Variants in CEP112 observed in about 807,000 individuals in gnomAD.
The protein encoded by CEP112 is centrosomal protein 112, also known as centrosomal protein of 112 kDa.
Under a neutral mutation model 153.0 loss-of-function variants are expected in CEP112, and 127 were observed. That is an observed-to-expected ratio of 0.83 (90% CI 0.72 to 0.96). The LOEUF (loss-of-function observed/expected upper bound fraction) is 0.96, where lower values mean the gene tolerates loss of function less well. CEP112 is among the 40% of genes least tolerant of loss of function. The pLI is 0.00. For missense variants in CEP112, 1,089 were observed against 1,101.2 expected (o/e 0.99, Z 0.16); for synonymous variants, 358 against 374.4 (o/e 0.96, Z 0.51).
intron 17 of CEP112, among the ~76,000 whole-genome samples, chr17:65,968,032 C>T (rs2062477844): frequency 6.6e-6 from 1 of 151,902 alleles, no homozygotes. Context: ...AATTGTACAC[C>T]ATATATGCAG....
chr17:65,771,192 C>T (rs1477012527), intron 21 of CEP112, among the ~76,000 whole-genome samples: 1 of 151,878 alleles, frequency 6.6e-6, no homozygotes, highest in African/African-American at 2.4e-5. Flanking sequence ...AAAGATGTAC[C>T]ATGCAAACAG....
intron 25 of CEP112, among the ~76,000 whole-genome samples, chr17:65,640,039 CG>C (rs1381910882): frequency 6.7e-6 from 1 of 148,930 alleles, no homozygotes; most frequent in Non-Finnish European, 1.5e-5. Context: ...GGTTTCACCA[CG>C]TTGGCCAGGC....
At chr17:66,112,889 T>A (rs2069122485) in intron 6 of CEP112, among the ~76,000 whole-genome samples, 1 of 152,096 alleles carries the variant, frequency 6.6e-6, no homozygotes, top group Non-Finnish European at 1.5e-5. Context: ...GAGGTTTCAG[T>A]GAGCCAAGAT....
At chr17:66,084,856 G>A (rs958401423) in intron 8 of CEP112, among the ~76,000 whole-genome samples, 3 of 152,052 alleles carry the variant, frequency 2.0e-5, no homozygotes, top group Non-Finnish European at 4.4e-5. Flanking sequence ...TTAAGATGAT[G>A]GATACCCCAT....
intron 21 of CEP112, among the ~76,000 whole-genome samples, chr17:65,755,064 T>C (rs770981139): frequency 1.3e-5 from 2 of 151,618 alleles, no homozygotes; most frequent in African/African-American, 2.4e-5. Flanking sequence ...ATCCTGTACA[T>C]GTAGCCCAGA....
chr17:65,775,791 T>C (rs774703525), intron 21 of CEP112, among the ~76,000 whole-genome samples: 14 of 152,018 alleles, frequency 9.2e-5, no homozygotes, highest in Non-Finnish European at 1.2e-4. Context: ...GCATGAGCCA[T>C]TGCGCCCAGC....
At chr17:66,100,735 T>C (rs575834064) in intron 6 of CEP112, among the ~76,000 whole-genome samples, 4 of 152,262 alleles carry the variant, frequency 2.6e-5, no homozygotes, top group African/African-American at 9.6e-5. Flanking sequence ...GACTGAAACA[T>C]AAACAGATGG....
intron 19 of CEP112, among the ~76,000 whole-genome samples, chr17:65,909,798 A>G (rs764409180): frequency 9.9e-5 from 15 of 152,204 alleles, no homozygotes; most frequent in Non-Finnish European, 1.9e-4. Context: ...AGATTCTGAC[A>G]TGGTTTGGTG....
chr17:65,717,956 CA>C (rs2049632977), intron 23 of CEP112, among the ~76,000 whole-genome samples: 3 of 152,114 alleles, frequency 2.0e-5, no homozygotes, highest in Admixed American at 2.0e-4. Flanking sequence ...AAATCCTGTA[CA>C]TTTTTTTTCT....
intron 17 of CEP112, among the ~76,000 whole-genome samples, chr17:65,980,007 C>G (rs2063172315): frequency 6.6e-6 from 1 of 152,054 alleles, no homozygotes; most frequent in South Asian, 2.1e-4. Flanking sequence ...TAAAATGTTT[C>G]TAATTATAAT....
chr17:65,654,066 A>AAAAG (rs1470648743), intron 24 of CEP112, among the ~76,000 whole-genome samples: 2 of 149,902 alleles, frequency 1.3e-5, no homozygotes, highest in African/African-American at 4.9e-5. Flanking sequence ...CAAAAAAAAA[A>AAAAG]AAAAAAAAAA....
In CEP112 at chr17:66,040,816, G is replaced by C. The variant is rs1478579037; in HGVS notation, c.1219-10793C>G. Among the ~76,000 whole-genome samples the C allele has an allele frequency of 1.3e-5, 2 of 151,906 alleles. 1 individual carries two copies. The highest frequency in any genetic ancestry group is 2.9e-5 in the Non-Finnish European group (2 of 67,984). ...TTTTCCCTTTCTTAATGATACCTTT[G>C]GTGATCAAAAGGTATTAATTTTAAT... On this transcript the variant is annotated intron_variant, in intron 12 of 26. Coordinates refer to ENST00000535342, the MANE Select transcript of CEP112 (RefSeq NM_001199165.4).
chr17:65,751,094 A>G, intron 21 of CEP112: 1 of 183,884 alleles, frequency 5.4e-6, no homozygotes, highest in Non-Finnish European at 1.1e-5. Flanking sequence ...AGAAGAAAGG[A>G]AGGTAAATTT....
chr17:65,899,908 G>C (rs1014392853), intron 20 of CEP112, among the ~76,000 whole-genome samples: 8 of 152,082 alleles, frequency 5.3e-5, no homozygotes, highest in Non-Finnish European at 7.4e-5. Context: ...ACAACACAGT[G>C]ATTTGAAAAA....
chr17:65,642,171 T>C (rs772881871), intron 24 of CEP112, among the ~76,000 whole-genome samples: 1 of 152,190 alleles, frequency 6.6e-6, no homozygotes, highest in Non-Finnish European at 1.5e-5. Flanking sequence ...GCATTTCTCT[T>C]CCACCTACTG....
At chr17:65,802,471 T>C (rs2055339158) in intron 21 of CEP112, among the ~76,000 whole-genome samples, 1 of 152,194 alleles carries the variant, frequency 6.6e-6, no homozygotes, top group South Asian at 2.1e-4. Flanking sequence ...GTCATTTCTA[T>C]GTGTATGTTT....
In CEP112 at chr17:65,843,010, A is replaced by C. The variant is rs56038945; in HGVS notation, c.2394+8794T>G. Among the ~76,000 whole-genome samples, 1,256 of 152,216 alleles carry C rather than the reference A, an allele frequency of 8.3e-3. 14 individuals carry two copies. The highest frequency in any genetic ancestry group is 0.02 in the South Asian group (97 of 4,826). ...AACAAACCTGCACATGTACCCCCGA[A>C]TCTAAAAAGTTGAAATAAAAAAATT... On this transcript the variant is annotated intron_variant, in intron 21 of 26. Transcript: ENST00000535342.
chr17:66,176,860 G>A lies in CEP112; in HGVS notation c.267C>T (p.Pro89=), dbSNP rs139309264. The A allele has an allele frequency of 6.5e-5, 104 of 1,611,258 alleles. 1 individual carries two copies. The East Asian group carries it at 2.0e-3, about 30-fold the overall frequency. ...ATGAAGGTAGAATTTTTAGTGTCCC[G>A]GGTTCAGGTCGGTGTGTAAAAGGGC... ...LEGPFTHRPE[P]GTLKILPSYM... Residue 89 remains proline, a synonymous_variant, in exon 3 of 27, where the codon CCC becomes CCT. Transcript: ENST00000535342.
chr17:65,887,189 G>A (rs913359782), intron 20 of CEP112, among the ~76,000 whole-genome samples: 1 of 152,104 alleles, frequency 6.6e-6, no homozygotes, highest in Non-Finnish European at 1.5e-5. Context: ...TTTGAAGTGA[G>A]ACACATTCGG....
Sources: gnomAD v4.1 joint callset for allele counts (sites outside exome capture counted in the v4.1 genomes callset) on GRCh38, gnomAD v4.1.1 for gene constraint, MANE v1.5 for transcripts, NCBI Gene and HGNC (gene_info 2026-07-23, HGNC 2026-07-21) for gene names.